The following NMNAT2 variants were observed in gnomAD, a reference collection of about 807,000 sequenced individuals.
NMNAT2 encodes nicotinamide nucleotide adenylyltransferase 2, also known as nicotinamide/nicotinic acid mononucleotide adenylyltransferase 2.
A neutral mutation model predicts 41.6 loss-of-function variants in NMNAT2; 11 were observed. That is an observed-to-expected ratio of 0.26 (90% CI 0.17 to 0.44). The LOEUF (loss-of-function observed/expected upper bound fraction) is 0.44. Ranked by LOEUF, NMNAT2 falls within the 20% of genes least tolerant of loss-of-function variation. The probability of loss-of-function intolerance (pLI) is 1.00; values close to 1 mark genes in which losing one functional copy is unlikely to be tolerated. For synonymous variants in NMNAT2, 148 were observed against 151.2 expected (o/e 0.98, Z 0.16); for missense variants, 288 against 407.7 (o/e 0.71, Z 2.53).
chr1:183,370,395 G>A (rs893836254), intron 1 of NMNAT2, among the ~76,000 whole-genome samples: 1 of 152,090 alleles, frequency 6.6e-6, no homozygotes, highest in East Asian at 1.9e-4. Flanking sequence ...ATTCATGTGG[G>A]GATGGTGTTA....
chr1:183,266,918 T>C (rs1323412129), intron 8 of NMNAT2: 2 of 163,044 alleles, frequency 1.2e-5, no homozygotes, highest in South Asian at 1.5e-4. Flanking sequence ...CTATTCTGCG[T>C]TGGTTTTACT....
chr1:183,381,931 T>C (rs932361946), intron 1 of NMNAT2, among the ~76,000 whole-genome samples: 1 of 152,130 alleles, frequency 6.6e-6, no homozygotes, highest in Admixed American at 6.6e-5. Flanking sequence ...CAGAAACAGA[T>C]CCAAACCAGG....
Position 183,388,319 on chromosome 1 carries a change from C to T in NMNAT2, c.85+29864G>A, listed in dbSNP as rs189543130. Among the ~76,000 whole-genome samples, 118 of 152,330 alleles carry T rather than the reference C, an allele frequency of 7.7e-4. 1 individual carries two copies. The highest frequency in any genetic ancestry group is 2.6e-3 in the African/African-American group (107 of 41,564). On this transcript the variant is annotated intron_variant, in intron 1 of 10. Transcript: ENST00000287713. ...AAAAAAAGGTGAAACCTTAAGCAGG[C>T]AGGGATGTAGCAAACTGGGGGCAGA...
At chr1:183,322,613 C>A (rs575771733) in intron 1 of NMNAT2, among the ~76,000 whole-genome samples, 1 of 152,152 alleles carries the variant, frequency 6.6e-6, no homozygotes, top group Non-Finnish European at 1.5e-5. Context: ...GACTGAGCAG[C>A]GGCAGCTCTC....
chr1:183,334,217 A>C (rs548208), intron 1 of NMNAT2, among the ~76,000 whole-genome samples: 107,854 of 151,970 alleles, frequency 0.71, 38,432 homozygotes, highest in East Asian at 0.9. Context: ...CAGGAGCACA[A>C]CACCATGCCC....
chr1:183,371,939 C>T (rs960889127), intron 1 of NMNAT2, among the ~76,000 whole-genome samples: 3 of 152,224 alleles, frequency 2.0e-5, no homozygotes, highest in Non-Finnish European at 4.4e-5. Flanking sequence ...ACCACCACAG[C>T]CAGCTAATTT....
chr1:183,406,862 A>G (rs1054164443), intron 1 of NMNAT2, among the ~76,000 whole-genome samples: 9 of 122,892 alleles, frequency 7.3e-5, no homozygotes, highest in African/African-American at 2.9e-4. Context: ...TCTGTTACCC[A>G]GGCTGGAGTG....
At chr1:183,386,378 A>G (rs1297590604) in intron 1 of NMNAT2, among the ~76,000 whole-genome samples, 1 of 152,176 alleles carries the variant, frequency 6.6e-6, no homozygotes, top group Admixed American at 6.6e-5. Flanking sequence ...GTGCCCTTTC[A>G]ATTACCTTAT....
chr1:183,257,635 A>G (rs1571554368), intron 10 of NMNAT2, among the ~76,000 whole-genome samples: 1 of 152,146 alleles, frequency 6.6e-6, no homozygotes, highest in East Asian at 1.9e-4. Context: ...CCTGCCCTCT[A>G]GGTTACCAAA....
intron 10 of NMNAT2, among the ~76,000 whole-genome samples, chr1:183,259,795 T>A (rs1211510188): frequency 1.3e-5 from 2 of 152,104 alleles, no homozygotes; most frequent in Non-Finnish European, 2.9e-5. Flanking sequence ...GAGACGGGGT[T>A]TCACCGTGTT....
intron 8 of NMNAT2, among the ~76,000 whole-genome samples, chr1:183,274,178 A>C (rs1224977974): frequency 6.6e-6 from 1 of 151,782 alleles, no homozygotes; most frequent in Non-Finnish European, 1.5e-5. Flanking sequence ...CTCCCAAAGC[A>C]CTGGGATTAC....
At chr1:183,357,970 G>A (rs1242735829) in intron 1 of NMNAT2, among the ~76,000 whole-genome samples, 2 of 152,050 alleles carry the variant, frequency 1.3e-5, no homozygotes, top group Non-Finnish European at 2.9e-5. Context: ...GCATGCACAC[G>A]TATGTTCATT....
chr1:183,371,303 C>T lies in NMNAT2; in HGVS notation c.85+46880G>A, dbSNP rs114946218. The stretch of plus-strand genomic sequence containing the variant: ...GACACTGTAAAAAGATCAGTGGTTG[C>T]CAGAAGTTGAGGGGAGGGAAGGATG... On this transcript the variant is annotated intron_variant, in intron 1 of 10. Transcript: ENST00000287713. Among the ~76,000 whole-genome samples, 502 of 152,132 alleles carry T rather than the reference C, an allele frequency of 3.3e-3. 1 individual carries two copies. Among genetic ancestry groups the T allele is most frequent in the African/African-American group, 0.011 (442 of 41,474 alleles).
At position 183,248,441 on chromosome 1, in the gene NMNAT2, T is replaced by A. The variant is rs1660285039; in HGVS notation, c.*4200A>T. 1 of 152,554 alleles carries A rather than the reference T, an allele frequency of 6.6e-6. No individual in the cohort carries two copies. The highest frequency in any genetic ancestry group is 1.5e-5 in the Non-Finnish European group (1 of 68,024). The allele number at this position is 152,554 out of a possible 1,614,324, so 9.5% of individuals were successfully genotyped here. ...GGCAGATTATGTGATCAAAAAGCGATTCAAAAAAGCTTCCCCCTCCTCATG... is the reference window on the plus strand; with the variant it reads ...GGCAGATTATGTGATCAAAAAGCGAATCAAAAAAGCTTCCCCCTCCTCATG... On this transcript the variant is annotated 3_prime_UTR_variant, in exon 11 of 11. Coordinates refer to ENST00000287713, the MANE Select transcript of NMNAT2 (RefSeq NM_015039.4).
intron 1 of NMNAT2, among the ~76,000 whole-genome samples, chr1:183,307,864 G>A (rs993598416): frequency 1.2e-4 from 18 of 152,210 alleles, no homozygotes; most frequent in African/African-American, 4.3e-4. Flanking sequence ...TTACAAGCAT[G>A]AGCTGCCGCA....
At chr1:183,304,728 C>T in intron 1 of NMNAT2, 2 of 1,614,088 alleles carry the variant, frequency 1.2e-6, no homozygotes, top group Non-Finnish European at 1.7e-6. Context: ...CCTCTAGTTC[C>T]TGGATTTCCA....
intron 1 of NMNAT2, among the ~76,000 whole-genome samples, chr1:183,342,275 G>C (rs892673898): frequency 2.6e-5 from 4 of 152,078 alleles, no homozygotes; most frequent in Non-Finnish European, 5.9e-5. Context: ...AGGATTGCTT[G>C]AGACCAGGGA....
intron 1 of NMNAT2, among the ~76,000 whole-genome samples, chr1:183,389,013 C>T (rs1419863297): frequency 6.6e-6 from 1 of 152,194 alleles, no homozygotes; most frequent in Non-Finnish European, 1.5e-5. Context: ...AAGGGTTTCA[C>T]TGGTGATTTC....
At chr1:183,280,548 T>TG (rs950397471) in intron 7 of NMNAT2, among the ~76,000 whole-genome samples, 2 of 148,594 alleles carry the variant, frequency 1.3e-5, no homozygotes, top group African/African-American at 5.0e-5. Context: ...CCACCACACC[T>TG]GGCTAATTTT....
Sources: gnomAD v4.1 joint callset for allele counts (sites outside exome capture counted in the v4.1 genomes callset) on GRCh38, gnomAD v4.1.1 for gene constraint, MANE v1.5 for transcripts, NCBI Gene and HGNC (gene_info 2026-07-23, HGNC 2026-07-21) for gene names.